LMX1A: variants seen among roughly 807,000 people sequenced by gnomAD.
LMX1A encodes the protein LIM homeobox transcription factor 1-alpha.
Under a neutral mutation model 49.1 loss-of-function variants are expected in LMX1A, and 15 were observed. The observed-to-expected ratio is 0.31, with a 90% CI of 0.20 to 0.47. The LOEUF (loss-of-function observed/expected upper bound fraction) is 0.47, where lower values mean the gene tolerates loss of function less well. LMX1A is among the 20% of genes least tolerant of loss of function. The pLI is 1.00. For missense variants in LMX1A, 372 were observed against 475.8 expected, an observed-to-expected ratio of 0.78 and a Z score of 2.03; for synonymous variants, 167 against 185.7, an observed-to-expected ratio of 0.90 and a Z score of 0.82.
chr1:165,204,530 GA>G (rs1301781811), intron 8 of LMX1A, among the ~76,000 whole-genome samples: 1 of 152,192 alleles, frequency 6.6e-6, no homozygotes, highest in Admixed American at 6.5e-5. Flanking sequence ...CAAAGAAAAG[GA>G]AGGTTAGGTG....
intron 3 of LMX1A, among the ~76,000 whole-genome samples, chr1:165,322,210 C>T (rs1178748579): frequency 6.6e-6 from 1 of 152,008 alleles, no homozygotes; most frequent in Non-Finnish European, 1.5e-5. Flanking sequence ...AATTGTAACC[C>T]TCATATATTG....
intron 5 of LMX1A, among the ~76,000 whole-genome samples, chr1:165,211,731 C>G (rs1304783719): frequency 6.6e-6 from 1 of 152,156 alleles, no homozygotes; most frequent in African/African-American, 2.4e-5. Flanking sequence ...CTCAGGGGCC[C>G]ACCTCCACCT....
chr1:165,256,510 C>T (rs1271537328), intron 3 of LMX1A, among the ~76,000 whole-genome samples: 2 of 152,122 alleles, frequency 1.3e-5, no homozygotes, highest in East Asian at 3.9e-4. Flanking sequence ...AGTGTTTTAC[C>T]ATGACACTGC....
Position 165,278,476 on chromosome 1 carries a change from C to CT in LMX1A, c.264-28837dup, listed in dbSNP as rs1654039538. ...TCTCACATTCTCTTACTACTTGGCA[C>CT]TGAGTACCTGCTGCCAAGTTCCTAA... On this transcript the variant is annotated intron_variant, in intron 3 of 8. Transcript: ENST00000342310. Among the ~76,000 whole-genome samples the CT allele has an allele frequency of 2.6e-5, 4 of 152,318 alleles. No homozygotes were observed. In the South Asian group the frequency reaches 8.3e-4, roughly 32 times the overall value.
intron 3 of LMX1A, among the ~76,000 whole-genome samples, chr1:165,250,880 G>A (rs1337046539): frequency 9.9e-5 from 15 of 152,108 alleles, no homozygotes; most frequent in Admixed American, 9.2e-4. Context: ...AAAGGGGTGG[G>A]AGGAGGGACA....
chr1:165,320,059 C>T (rs1046051529), intron 3 of LMX1A, among the ~76,000 whole-genome samples: 9 of 152,074 alleles, frequency 5.9e-5, no homozygotes, highest in African/African-American at 1.9e-4. Context: ...TGTTTTCTCC[C>T]TAGTGAAGAA....
At chr1:165,208,387 A>AT (rs989266709) in intron 6 of LMX1A, among the ~76,000 whole-genome samples, 25 of 152,174 alleles carry the variant, frequency 1.6e-4, no homozygotes, top group Admixed American at 1.4e-3. Context: ...AGGAATAGGG[A>AT]TTTTTTCCTC....
intron 5 of LMX1A, chr1:165,213,178 A>T (rs1651486945): frequency 1.3e-5 from 2 of 154,116 alleles, no homozygotes; most frequent in African/African-American, 4.8e-5. Context: ...ACCCATCAAC[A>T]GGTGCATGGA....
chr1:165,332,652 A>G (rs768109222), intron 3 of LMX1A, among the ~76,000 whole-genome samples: 3 of 152,240 alleles, frequency 2.0e-5, no homozygotes, highest in Non-Finnish European at 4.4e-5. Flanking sequence ...ATTGTGGAAA[A>G]GAAAATTTAT....
At chr1:165,263,653 C>T (rs181923928) in intron 3 of LMX1A, among the ~76,000 whole-genome samples, 18 of 152,344 alleles carry the variant, frequency 1.2e-4, no homozygotes, top group Admixed American at 1.1e-3. Flanking sequence ...TTGAGCACAA[C>T]ACTCAGGGTT....
At chr1:165,210,655 G>A in intron 6 of LMX1A, 44 bp downstream of exon 6, 1 of 1,470,874 alleles carries the variant, frequency 6.8e-7, no homozygotes, top group Non-Finnish European at 9.5e-7. Context: ...ATTATTTCAG[G>A]AAACCAGCAA....
intron 3 of LMX1A, among the ~76,000 whole-genome samples, chr1:165,288,348 G>C (rs530586534): frequency 1.6e-4 from 25 of 152,220 alleles, no homozygotes; most frequent in Non-Finnish European, 3.4e-4. Flanking sequence ...GTCTGGAAGA[G>C]GCAGGAATGT....
At position 165,273,147 on chromosome 1, in the gene LMX1A, G is replaced by C. The variant is rs7546313; in HGVS notation, c.264-23507C>G. Among the ~76,000 whole-genome samples, 966 of 152,270 alleles carry C rather than the reference G, an allele frequency of 6.3e-3. 11 individuals are homozygous for C. The highest frequency in any genetic ancestry group is 0.022 in the African/African-American group (917 of 41,560). On this transcript the variant is annotated intron_variant, in intron 3 of 8. Coordinates refer to ENST00000342310, the MANE Select transcript of LMX1A (RefSeq NM_177398.4). ...AGAGCAATTCCTTGAACTGCTCTTT[G>C]GGCAAGGGCAGATGTGTTGTGTCTG...
chr1:165,345,518 CTCACCCACCAA>C (rs1457869785), intron 3 of LMX1A, among the ~76,000 whole-genome samples: 4 of 100,306 alleles, frequency 4.0e-5, no homozygotes, highest in African/African-American at 8.6e-5. Context: ...TGGCACTTCT[CTCACCCACCAA>C]AACACACCCA....
chr1:165,211,855 C>T (rs1651412076), intron 5 of LMX1A, among the ~76,000 whole-genome samples: 1 of 152,152 alleles, frequency 6.6e-6, no homozygotes, highest in Admixed American at 6.5e-5. Flanking sequence ...TCCTGGCTTC[C>T]CCTCTGTTAT....
intron 3 of LMX1A, among the ~76,000 whole-genome samples, chr1:165,338,376 T>C (rs1655966667): frequency 6.6e-6 from 1 of 152,192 alleles, no homozygotes; most frequent in Admixed American, 6.5e-5. Context: ...AGGGAGTTCA[T>C]TGGGAAAGTC....
At chr1:165,259,274 A>G (rs923518046) in intron 3 of LMX1A, among the ~76,000 whole-genome samples, 2 of 152,192 alleles carry the variant, frequency 1.3e-5, no homozygotes, top group Non-Finnish European at 2.9e-5. Flanking sequence ...GGTACATCTC[A>G]TTCAGGCAGC....
chr1:165,241,595 CA>C (rs1652653709), intron 4 of LMX1A, among the ~76,000 whole-genome samples: 1 of 151,472 alleles, frequency 6.6e-6, no homozygotes, highest in Non-Finnish European at 1.5e-5. Flanking sequence ...CTATGCACTA[CA>C]ATACGGAGGA....
chr1:165,321,388 G>C (rs1470973285), intron 3 of LMX1A, among the ~76,000 whole-genome samples: 1 of 152,158 alleles, frequency 6.6e-6, no homozygotes, highest in Non-Finnish European at 1.5e-5. Flanking sequence ...TCACTTCAAA[G>C]AGTGAATTTT....
Sources: gnomAD v4.1 joint callset for allele counts (sites outside exome capture counted in the v4.1 genomes callset) on GRCh38, gnomAD v4.1.1 for gene constraint, MANE v1.5 for transcripts, NCBI Gene and HGNC (gene_info 2026-07-23, HGNC 2026-07-21) for gene names.